The following ZFHX3 variants were observed in gnomAD, a reference collection of about 807,000 sequenced individuals.
ZFHX3 encodes the protein zinc finger homeobox 3.
ZFHX3 carries 42 observed loss-of-function variants against 279.1 expected under a neutral mutation model. The observed-to-expected ratio is 0.15, with a 90% CI of 0.12 to 0.19. The LOEUF (loss-of-function observed/expected upper bound fraction) is 0.19, where lower values mean the gene tolerates loss of function less well. Among genes scored for constraint, ZFHX3 ranks in the 10% least tolerant of loss-of-function variants. ZFHX3 has a pLI of 1.00. For synonymous variants in ZFHX3, 2,293 were observed against 1,957.8 expected (o/e 1.17, Z -4.52); for missense variants, 4,981 against 4,754.0 (o/e 1.05, Z -1.40).
intron 4 of ZFHX3, among the ~76,000 whole-genome samples, chr16:72,846,357 G>A (rs1002140550): frequency 1.2e-4 from 18 of 152,260 alleles, no homozygotes; most frequent in African/African-American, 3.6e-4. Context: ...ACAGAAGGAG[G>A]GCTGGCCTGC....
intron 1 of ZFHX3, among the ~76,000 whole-genome samples, chr16:73,724,283 T>G (rs776522644): frequency 1.3e-5 from 2 of 152,202 alleles, no homozygotes; most frequent in Non-Finnish European, 2.9e-5. Flanking sequence ...CAATTCTAAT[T>G]TGGAGACTAC....
chr16:72,918,730 C>G (rs542955595), intron 3 of ZFHX3, among the ~76,000 whole-genome samples: 1 of 145,550 alleles, frequency 6.9e-6, no homozygotes, highest in Non-Finnish European at 1.5e-5. Context: ...GAGCCTTGCT[C>G]TGTCTCCCAG....
At chr16:73,332,994 C>T (rs2143232460) in intron 3 of ZFHX3, among the ~76,000 whole-genome samples, 1 of 152,198 alleles carries the variant, frequency 6.6e-6, no homozygotes, top group South Asian at 2.1e-4. Flanking sequence ...GCTTCCCTCC[C>T]TCCTTATTCC....
chr16:73,772,298 T>A (rs2054026713), intron 1 of ZFHX3, among the ~76,000 whole-genome samples: 1 of 152,144 alleles, frequency 6.6e-6, no homozygotes, highest in South Asian at 2.1e-4. Context: ...CACATCATGG[T>A]GGAAGGCAAG....
intron 4 of ZFHX3, among the ~76,000 whole-genome samples, chr16:72,887,537 G>T (rs1010231227): frequency 3.3e-5 from 5 of 152,006 alleles, no homozygotes; most frequent in African/African-American, 1.2e-4. Context: ...GGAGTGGGAG[G>T]GAGTCCAACT....
chr16:73,531,362 C>T (rs1224019985), intron 2 of ZFHX3, among the ~76,000 whole-genome samples: 2 of 152,196 alleles, frequency 1.3e-5, no homozygotes, highest in South Asian at 2.1e-4. Context: ...CCAGAACTTA[C>T]TTCTCTGCCT....
Position 73,807,518 on chromosome 16 carries a change from A to C in ZFHX3, c.-1608+84133T>G, listed in dbSNP as rs150833511. ...CTCCCAGGCTGGGGTGCAGTAGCAC[A>C]ATCATAGCTCACTGCAGCCTCCATC... On this transcript the variant is annotated intron_variant, in intron 1 of 17. Coordinates refer to the ZFHX3 transcript ENST00000641206. Among the ~76,000 whole-genome samples, 93 of 152,080 alleles carry C rather than the reference A, an allele frequency of 6.1e-4. 1 individual carries two copies. The East Asian group carries it at 0.015, about 25-fold the overall frequency.
Position 72,870,733 on chromosome 16 carries a change from A to G in ZFHX3, c.3448+18998T>C, listed in dbSNP as rs995838907. Among the ~76,000 whole-genome samples the G allele has an allele frequency of 3.3e-5, 5 of 151,510 alleles. No homozygotes were observed. In the South Asian group the frequency reaches 8.4e-4, roughly 25 times the overall value. On this transcript the variant is annotated intron_variant, in intron 4 of 9. Coordinates refer to ENST00000268489, the MANE Select transcript of ZFHX3 (RefSeq NM_006885.4). ...ACTCTGTCTCAAAAAAAAAAAAAAAAAAAGAAAGAACATGAAAGAGGACAG... is the reference window on the plus strand; with the variant it reads ...ACTCTGTCTCAAAAAAAAAAAAAAAGAAAGAAAGAACATGAAAGAGGACAG...
intron 8 of ZFHX3, among the ~76,000 whole-genome samples, chr16:73,091,425 C>G (rs1293023237): frequency 6.6e-6 from 1 of 152,118 alleles, no homozygotes; most frequent in Non-Finnish European, 1.5e-5. Flanking sequence ...GGGAATCCCT[C>G]TTTCTTGGAT....
intron 2 of ZFHX3, among the ~76,000 whole-genome samples, chr16:73,495,412 A>G (rs1597357933): frequency 6.6e-6 from 1 of 152,230 alleles, no homozygotes; most frequent in Non-Finnish European, 1.5e-5. Context: ...ATTGGTGCAC[A>G]TGAAATAGAC....
chr16:73,417,967 C>T lies in ZFHX3; in HGVS notation c.-1291+38036G>A, dbSNP rs1470231980. The stretch of plus-strand genomic sequence containing the variant: ...TCGCGCCACTGCACTCCAGCCTGGG[C>T]AACAGAGCGAGACTCCATCTCAAAA... On this transcript the variant is annotated intron_variant, in intron 3 of 17. Coordinates refer to the ZFHX3 transcript ENST00000641206. 4.6e-5 allele frequency among the ~76,000 whole-genome samples: 5 copies of T among 109,798 alleles called. No individual in the cohort carries two copies. The Admixed American group carries it at 7.2e-4, about 16-fold the overall frequency. The allele number at this position is 109,798 out of a possible 152,430, so 72.0% of individuals were successfully genotyped here.
At chr16:73,692,187 T>C (rs1190526781) in intron 1 of ZFHX3, among the ~76,000 whole-genome samples, 1 of 152,188 alleles carries the variant, frequency 6.6e-6, no homozygotes, top group Non-Finnish European at 1.5e-5. Flanking sequence ...GTCCTGGACT[T>C]AGTGACACTT....
At chr16:73,551,928 A>G (rs2020209575) in intron 2 of ZFHX3, among the ~76,000 whole-genome samples, 1 of 152,242 alleles carries the variant, frequency 6.6e-6, no homozygotes, top group Non-Finnish European at 1.5e-5. Context: ...ATAAACAAGT[A>G]TCATCAACAT....
intron 2 of ZFHX3, among the ~76,000 whole-genome samples, chr16:73,521,005 C>G (rs1425995947): frequency 2.6e-5 from 4 of 152,090 alleles, no homozygotes; most frequent in Admixed American, 2.6e-4. Context: ...ATCCTTGGAC[C>G]CTTCAGAATT....
rs1284995769 is a variant in ZFHX3, at chr16:73,026,708, G to T, written c.-50+21044C>A. ...AAAAAAAAAAAAACACATAGTAAAG[G>T]GTCTGCTCATTTAATAGTAAACACT... On this transcript the variant is annotated intron_variant, in intron 1 of 9. Coordinates refer to ENST00000268489, the MANE Select transcript of ZFHX3 (RefSeq NM_006885.4). Among the ~76,000 whole-genome samples, 5 of 145,182 alleles carry T rather than the reference G, an allele frequency of 3.4e-5. No homozygotes were observed. In the South Asian group the frequency reaches 8.8e-4, roughly 25 times the overall value.
chr16:73,399,339 G>C (rs1213141264), intron 3 of ZFHX3, among the ~76,000 whole-genome samples: 1 of 152,134 alleles, frequency 6.6e-6, no homozygotes, highest in East Asian at 1.9e-4. Context: ...TTTCCTCTGA[G>C]GCATGGGTGG....
At chr16:73,336,004 C>T (rs553847405) in intron 3 of ZFHX3, among the ~76,000 whole-genome samples, 1 of 152,314 alleles carries the variant, frequency 6.6e-6, no homozygotes, top group Admixed American at 6.5e-5. Flanking sequence ...TGCCTCTAGC[C>T]ATTCGCAGCA....
At chr16:73,757,936 T>C (rs941956815) in intron 1 of ZFHX3, among the ~76,000 whole-genome samples, 1 of 152,184 alleles carries the variant, frequency 6.6e-6, no homozygotes, top group Non-Finnish European at 1.5e-5. Flanking sequence ...GGTAAGCAAC[T>C]TTAAAACACA....
At chr16:73,877,496 T>C (rs1367236530) in intron 1 of ZFHX3, among the ~76,000 whole-genome samples, 1 of 152,072 alleles carries the variant, frequency 6.6e-6, no homozygotes, top group East Asian at 1.9e-4. Context: ...AGGAATCAAG[T>C]TGGGTATTTT....
Sources: gnomAD v4.1 joint callset for allele counts (sites outside exome capture counted in the v4.1 genomes callset) on GRCh38, gnomAD v4.1.1 for gene constraint, MANE v1.5 for transcripts, NCBI Gene and HGNC (gene_info 2026-07-23, HGNC 2026-07-21) for gene names.